Variants in VRK3 observed in about 807,000 individuals in gnomAD.
VRK3 encodes the protein serine/threonine-protein kinase VRK3.
A neutral mutation model predicts 60.4 loss-of-function variants in VRK3; 50 were observed. The observed-to-expected ratio is 0.83, with a 90% CI of 0.66 to 1.05. The LOEUF (loss-of-function observed/expected upper bound fraction) is 1.05, where lower values mean the gene tolerates loss of function less well. Among genes scored for constraint, VRK3 ranks in the 50% least tolerant of loss-of-function variants. VRK3 has a pLI of 0.00. For missense variants in VRK3, 549 were observed against 585.3 expected, an observed-to-expected ratio of 0.94 and a Z score of 0.64; for synonymous variants, 246 against 227.8, an observed-to-expected ratio of 1.08 and a Z score of -0.72.
At chr19:50,012,032 C>T (rs554933637) in intron 3 of VRK3, among the ~76,000 whole-genome samples, 6 of 150,614 alleles carry the variant, frequency 4.0e-5, no homozygotes, top group East Asian at 3.9e-4. Flanking sequence ...AGTGCAATGG[C>T]GCAATCTTGG....
At chr19:50,020,921 A>G (rs1012355763) in intron 1 of VRK3, among the ~76,000 whole-genome samples, 4 of 152,220 alleles carry the variant, frequency 2.6e-5, no homozygotes, top group Non-Finnish European at 5.9e-5. Context: ...ACCGCTGAAC[A>G]GGTCAGATGG....
intron 13 of VRK3, among the ~76,000 whole-genome samples, chr19:49,980,124 C>T (rs1031894652): frequency 6.6e-6 from 1 of 152,034 alleles, no homozygotes; most frequent in African/African-American, 2.4e-5. Context: ...AGGGAACAAG[C>T]TATCTGTTTC....
At chr19:49,991,448 T>G (rs1029521891) in intron 10 of VRK3, among the ~76,000 whole-genome samples, 1 of 152,054 alleles carries the variant, frequency 6.6e-6, no homozygotes, top group Non-Finnish European at 1.5e-5. Flanking sequence ...GGTCTCCAGA[T>G]TGCAAACTGA....
At chr19:49,990,783 ATTT>A (rs554117457) in intron 10 of VRK3, among the ~76,000 whole-genome samples, 2 of 146,874 alleles carry the variant, frequency 1.4e-5, no homozygotes, top group African/African-American at 5.0e-5. Flanking sequence ...TAAAAAAATA[ATTT>A]TTTTTTTTTA....
intron 10 of VRK3, among the ~76,000 whole-genome samples, chr19:49,990,344 T>C (rs2076589441): frequency 6.6e-6 from 1 of 152,260 alleles, no homozygotes; most frequent in African/African-American, 2.4e-5. Context: ...AGTTAAATGC[T>C]TTCTGCCTGA....
intron 3 of VRK3, among the ~76,000 whole-genome samples, chr19:50,013,960 C>G (rs1056425589): frequency 1.3e-5 from 2 of 152,082 alleles, no homozygotes; most frequent in African/African-American, 4.8e-5. Context: ...GAGAAAGTAA[C>G]AATTGAATAA....
intron 12 of VRK3, among the ~76,000 whole-genome samples, chr19:49,985,822 T>C (rs1336848740): frequency 6.6e-6 from 1 of 152,184 alleles, no homozygotes; most frequent in East Asian, 1.9e-4. Flanking sequence ...GTTCACCTCA[T>C]AAGCCTCCTC....
chr19:50,016,911 C>CG (rs1306747200), intron 2 of VRK3, among the ~76,000 whole-genome samples: 32 of 152,242 alleles, frequency 2.1e-4, no homozygotes, highest in African/African-American at 7.5e-4. Context: ...AGCAATACGC[C>CG]GGGTGCGGTG....
intron 4 of VRK3, 71 bp downstream of exon 4, chr19:50,009,165 G>C: frequency 2.6e-6 from 4 of 1,539,144 alleles, no homozygotes; most frequent in Non-Finnish European, 3.5e-6. Flanking sequence ...TGGCAGTTTT[G>C]TCCCAAAGAT....
chr19:50,009,142 T>C, intron 4 of VRK3, 94 bp downstream of exon 4: 1 of 1,435,576 alleles, frequency 7.0e-7, no homozygotes, highest in Middle Eastern at 1.9e-4. Flanking sequence ...GGATGATGTT[T>C]GAGCCGGGGC....
chr19:49,992,336 G>A (rs1171858050), intron 10 of VRK3, among the ~76,000 whole-genome samples: 1 of 152,210 alleles, frequency 6.6e-6, no homozygotes, highest in Non-Finnish European at 1.5e-5. Flanking sequence ...CCCAGGAGGT[G>A]GAGGTTGTGA....
At chr19:50,000,997 T>C in intron 5 of VRK3, 143 bp from the exon 6 acceptor site, 1 of 660,730 alleles carries the variant, frequency 1.5e-6, no homozygotes, top group Non-Finnish European at 2.6e-6. Context: ...CACGACTTGC[T>C]GCTTCCTAGT....
intron 7 of VRK3, among the ~76,000 whole-genome samples, chr19:49,995,896 C>T (rs907372214): frequency 2.0e-5 from 3 of 152,094 alleles, no homozygotes; most frequent in Admixed American, 6.5e-5. Flanking sequence ...TTGCAGGCTT[C>T]TGCCACCAGG....
At chr19:50,009,153 T>C in intron 4 of VRK3, 83 bp downstream of exon 4, 1 of 1,488,446 alleles carries the variant, frequency 6.7e-7, no homozygotes, top group South Asian at 1.3e-5. Context: ...GAGCCGGGGC[T>C]GTGGCAGTTT....
chr19:49,986,198 T>A (rs2076513009), intron 12 of VRK3: 1 of 152,150 alleles, frequency 6.6e-6, no homozygotes, highest in Admixed American at 6.5e-5. Context: ...CAGATGCATC[T>A]AAACTAACAC....
chr19:49,992,409 C>A (rs888634517), intron 10 of VRK3, among the ~76,000 whole-genome samples: 3 of 152,114 alleles, frequency 2.0e-5, no homozygotes, highest in African/African-American at 7.2e-5. Flanking sequence ...CATCTCAAAA[C>A]AAAATCAAAG....
chr19:49,982,208 CCA>C, intron 12 of VRK3: 1 of 702,848 alleles, frequency 1.4e-6, no homozygotes. Flanking sequence ...TAAGAATTCC[CCA>C]CAGACTCATG....
intron 2 of VRK3, among the ~76,000 whole-genome samples, chr19:50,017,365 A>T (rs1438607760): frequency 6.6e-6 from 1 of 152,048 alleles, no homozygotes; most frequent in Non-Finnish European, 1.5e-5. Context: ...ACCTGAGGTC[A>T]GGAGTCCAAG....
At chr19:49,982,768 T>C (rs1213319294) in intron 12 of VRK3, among the ~76,000 whole-genome samples, 2 of 152,180 alleles carry the variant, frequency 1.3e-5, no homozygotes, top group African/African-American at 4.8e-5. Flanking sequence ...CACATACACA[T>C]ATATGTATAA....
Sources: gnomAD v4.1 joint callset for allele counts (sites outside exome capture counted in the v4.1 genomes callset) on GRCh38, gnomAD v4.1.1 for gene constraint, MANE v1.5 for transcripts, NCBI Gene and HGNC (gene_info 2026-07-23, HGNC 2026-07-21) for gene names.